The following CERT1 variants were observed in gnomAD, a reference collection of about 807,000 sequenced individuals.
CERT1 encodes ceramide transporter 1.
Under a neutral mutation model 87.9 loss-of-function variants are expected in CERT1, and 31 were observed. The observed-to-expected ratio is 0.35, with a 90% CI of 0.27 to 0.48. The LOEUF (loss-of-function observed/expected upper bound fraction) is 0.48. Ranked by LOEUF, CERT1 falls within the 20% of genes least tolerant of loss-of-function variation. The pLI is 0.99. For synonymous variants in CERT1, 289 were observed against 250.9 expected, an observed-to-expected ratio of 1.15 and a Z score of -1.44; for missense variants, 487 against 758.0, an observed-to-expected ratio of 0.64 and a Z score of 4.20.
At chr5:75,507,935 C>T (rs192488799) in intron 1 of CERT1, among the ~76,000 whole-genome samples, 57 of 152,304 alleles carry the variant, frequency 3.7e-4, no homozygotes, top group Admixed American at 3.5e-3. Flanking sequence ...TTCTCATTTT[C>T]AACTATTCCA....
At chr5:75,439,935 T>C (rs1427900569) in intron 3 of CERT1, among the ~76,000 whole-genome samples, 1 of 152,090 alleles carries the variant, frequency 6.6e-6, no homozygotes, top group Non-Finnish European at 1.5e-5. Flanking sequence ...AGAGAAGTTA[T>C]AGTCTGTAGC....
At chr5:75,476,595 C>T (rs1427080367) in intron 2 of CERT1, among the ~76,000 whole-genome samples, 1 of 152,058 alleles carries the variant, frequency 6.6e-6, no homozygotes, top group East Asian at 1.9e-4. Flanking sequence ...AAAATTTTAA[C>T]CTCTAACTCC....
At chr5:75,457,279 T>G (rs1338596868) in intron 3 of CERT1, among the ~76,000 whole-genome samples, 1 of 152,108 alleles carries the variant, frequency 6.6e-6, no homozygotes, top group Non-Finnish European at 1.5e-5. Flanking sequence ...GTCATTCTGG[T>G]AAGTAACTTT....
rs1761765125 is a variant in CERT1 at position 75,385,882 on chromosome 5, T to C, written c.1417+20A>G. The C allele has an allele frequency of 1.4e-6, 2 of 1,432,628 alleles. No individual in the cohort carries two copies. The highest frequency in any genetic ancestry group is 1.5e-5 in the African/African-American group (1 of 68,454). 88.7% of individuals were successfully genotyped at this position (1,432,628 alleles called of 1,614,324 possible). ...AAATTCAAAATAATAGATTAAAATA[T>C]ATTAATAATGACAGCTTACTTTCCC... is the stretch of plus-strand genomic sequence containing the variant. On this transcript the variant is annotated intron_variant, in intron 13 of 16. Coordinates refer to ENST00000643780, the MANE Select transcript of CERT1 (RefSeq NM_001379029.1).
chr5:75,376,226 T>C (rs1434679583), downstream of CERT1: 1 of 152,234 alleles, frequency 6.6e-6, no homozygotes, highest in East Asian at 1.9e-4. Flanking sequence ...TTCTCAAATA[T>C]AATTGAGAGC....
intron 3 of CERT1, among the ~76,000 whole-genome samples, chr5:75,457,901 T>C (rs1181712659): frequency 6.7e-6 from 1 of 148,938 alleles, no homozygotes; most frequent in Non-Finnish European, 1.5e-5. Context: ...TGTATGGGTA[T>C]AGGCGCGCGT....
At chr5:75,486,881 C>G (rs868114626) in intron 2 of CERT1, among the ~76,000 whole-genome samples, 1 of 152,046 alleles carries the variant, frequency 6.6e-6, no homozygotes, top group South Asian at 2.1e-4. Context: ...CTGGAAGAAT[C>G]AATATTGTTA....
intron 8 of CERT1, among the ~76,000 whole-genome samples, chr5:75,408,613 G>A (rs1002538919): frequency 1.3e-5 from 2 of 152,054 alleles, no homozygotes; most frequent in Admixed American, 6.5e-5. Flanking sequence ...GGAAATGTAG[G>A]GACTCTAAAA....
intron 2 of CERT1, among the ~76,000 whole-genome samples, chr5:75,499,356 T>C (rs1767234490): frequency 6.6e-6 from 1 of 152,140 alleles, no homozygotes; most frequent in African/African-American, 2.4e-5. Context: ...AAATCTCATC[T>C]TGAATTGTAG....
chr5:75,508,044 T>C (rs1400048076), intron 1 of CERT1, among the ~76,000 whole-genome samples: 2 of 152,236 alleles, frequency 1.3e-5, no homozygotes, highest in Admixed American at 1.3e-4. Flanking sequence ...ATTTACTTAC[T>C]AAGCATATTT....
intron 2 of CERT1, among the ~76,000 whole-genome samples, chr5:75,482,291 G>A (rs1010389959): frequency 6.6e-6 from 1 of 152,142 alleles, no homozygotes; most frequent in Admixed American, 6.5e-5. Context: ...TTACAGGCCT[G>A]GGGTGGTGGT....
At position 75,377,828 on chromosome 5, in the gene CERT1, GT is replaced by G. The variant is rs1023409897; in HGVS notation, c.*1517del. 3.3e-5 allele frequency: 5 copies of G among 152,088 alleles called. No homozygotes were observed. Among genetic ancestry groups the G allele is most frequent in the African/African-American group, 1.2e-4 (5 of 41,400 alleles). 9.4% of individuals were successfully genotyped at this position (152,088 alleles called of 1,614,324 possible). On this transcript the variant is annotated 3_prime_UTR_variant, in exon 17 of 17. Transcript: ENST00000643780. The stretch of plus-strand genomic sequence containing the variant: ...ATTTATTTTTTGACAGACATTACCT[GT>G]CCAGGCTGGAGTGCAGTCGTGTAAT...
At chr5:75,500,078 C>T (rs1767276256) in intron 2 of CERT1, among the ~76,000 whole-genome samples, 1 of 152,104 alleles carries the variant, frequency 6.6e-6, no homozygotes, top group African/African-American at 2.4e-5. Context: ...GCCATGTGTA[C>T]ATGCAGACAG....
intron 2 of CERT1, among the ~76,000 whole-genome samples, chr5:75,496,605 T>C (rs374533597): frequency 9.9e-5 from 15 of 152,154 alleles, no homozygotes; most frequent in African/African-American, 3.4e-4. Context: ...AAGCAAAATA[T>C]GGTATATCCC....
intron 5 of CERT1, among the ~76,000 whole-genome samples, chr5:75,421,089 G>GT (rs762632575): frequency 6.6e-6 from 1 of 152,192 alleles, no homozygotes; most frequent in Non-Finnish European, 1.5e-5. Context: ...GATTACAGGT[G>GT]TAAGCCACTG....
Position 75,447,494 on chromosome 5 carries a change from G to T in CERT1, c.348+11571C>A, listed in dbSNP as rs185276692. ...TATTTATTTTTTATTTTTTTGAGAC[G>T]GAGTTTCGCTCTGTTGCCCAGGGTA... On this transcript the variant is annotated intron_variant, in intron 3 of 16. Transcript: ENST00000643780. Among the ~76,000 whole-genome samples, 196 of 131,296 alleles carry T rather than the reference G, an allele frequency of 1.5e-3. 1 individual carries two copies. Among genetic ancestry groups the T allele is most frequent in the Non-Finnish European group, 2.4e-3 (149 of 61,840 alleles). 86.1% of individuals were successfully genotyped at this position (131,296 alleles called of 152,430 possible).
intron 2 of CERT1, among the ~76,000 whole-genome samples, chr5:75,500,084 G>A (rs553300953): frequency 1.3e-5 from 2 of 152,290 alleles, no homozygotes; most frequent in East Asian, 3.9e-4. Flanking sequence ...TGTACATGCA[G>A]ACAGAGATTG....
chr5:75,421,751 C>T (rs781230398), intron 5 of CERT1, among the ~76,000 whole-genome samples: 5 of 152,132 alleles, frequency 3.3e-5, no homozygotes, highest in Non-Finnish European at 4.4e-5. Flanking sequence ...CCTTACTTCC[C>T]GGGGCCTTTT....
At chr5:75,381,232 A>G (rs755044895) in intron 15 of CERT1, 31 bp from the exon 16 acceptor site, 17 of 1,612,456 alleles carry the variant, frequency 1.1e-5, no homozygotes, top group Non-Finnish European at 1.4e-5. Flanking sequence ...GCATCAGTAG[A>G]TACCCAGTAT....
Sources: allele counts gnomAD v4.1 joint callset (sites outside exome capture counted in the v4.1 genomes callset), GRCh38; gene constraint gnomAD v4.1.1; transcripts MANE v1.5; gene names NCBI Gene and HGNC (gene_info 2026-07-23, HGNC 2026-07-21).